Variants in FBXL4 observed in about 807,000 individuals in gnomAD.
The protein encoded by FBXL4 is F-box and leucine rich repeat protein 4.
FBXL4 carries 40 observed loss-of-function variants against 58.9 expected under a neutral mutation model. The observed-to-expected ratio is 0.68, with a 90% CI of 0.53 to 0.88. The LOEUF is 0.88. FBXL4 is among the 40% of genes least tolerant of loss of function. The pLI is 0.00. For missense variants in FBXL4, 676 were observed against 734.4 expected, an observed-to-expected ratio of 0.92 and a Z score of 0.92; for synonymous variants, 263 against 265.5, an observed-to-expected ratio of 0.99 and a Z score of 0.09.
intron 7 of FBXL4, among the ~76,000 whole-genome samples, chr6:98,883,441 C>T (rs976768741): frequency 1.3e-5 from 2 of 151,868 alleles, no homozygotes; most frequent in African/African-American, 4.8e-5. Context: ...TTAAATGTGC[C>T]ATTAATCCTT....
chr6:98,878,740 G>A (rs989098588), intron 8 of FBXL4, among the ~76,000 whole-genome samples: 1 of 151,968 alleles, frequency 6.6e-6, no homozygotes, highest in African/African-American at 2.4e-5. Context: ...AGCAGAATAA[G>A]GTACATCTAA....
Position 98,875,624 on chromosome 6 carries a change from G to T in FBXL4, c.1493C>A (p.Ala498Glu). The change falls in exon 9 of 10, where the codon GCA (alanine) becomes GAA (glutamate). Residue 498 changes from alanine (A) to glutamate (E), a missense_variant. By Grantham distance (107) the Ala-to-Glu change is moderately radical (BLOSUM62 -1). Transcript: ENST00000369244. ...TAGTGGACACCCAGAAGCCAGTTCT[G>T]CTATTCCATTCTCAGTAATATTCTT... The part of the protein sequence containing the change: ...RCKNITENGI[A>E]ELASGCPLLE... 3 of 1,614,108 alleles carry T rather than the reference G, an allele frequency of 1.9e-6. No homozygotes were observed. The highest frequency in any genetic ancestry group is 8.5e-7 in the Non-Finnish European group (1 of 1,179,998).
intron 5 of FBXL4, among the ~76,000 whole-genome samples, chr6:98,908,538 AC>A (rs1441863873): frequency 5.3e-5 from 8 of 152,156 alleles, no homozygotes; most frequent in Non-Finnish European, 7.3e-5. Context: ...ATAGTAAATT[AC>A]ATGCATTTAG....
chr6:98,944,186 C>A (rs195827), intron 1 of FBXL4, among the ~76,000 whole-genome samples: 68 of 152,094 alleles, frequency 4.5e-4, no homozygotes, highest in South Asian at 1.7e-3. Context: ...AATAATCTTC[C>A]GGTGGAAACC....
At position 98,868,649 on chromosome 6, in the gene FBXL4, T is replaced by C. The variant is rs142857199; in HGVS notation, c.*5629A>G. 6.8e-4 allele frequency: 104 copies of C among 152,328 alleles called. 1 individual carries two copies. The East Asian group carries it at 0.019, about 28-fold the overall frequency. 9.4% of individuals were successfully genotyped at this position (152,328 alleles called of 1,614,324 possible). A position where few individuals can be genotyped will look rare whatever the true frequency, so the allele number is the denominator to read the frequency against. On this transcript the variant is annotated 3_prime_UTR_variant, in exon 10 of 10. Coordinates refer to ENST00000369244, the MANE Select transcript of FBXL4 (RefSeq NM_001278716.2). Reference sequence around the variant, plus strand: ...ATAAAATTAAAATATCTCAGTCGTCTGTACAGACAACTTCATTTGTAACAG... The same window carrying C: ...ATAAAATTAAAATATCTCAGTCGTCCGTACAGACAACTTCATTTGTAACAG...
At chr6:98,921,892 C>T (rs1025775733) in intron 4 of FBXL4, among the ~76,000 whole-genome samples, 2 of 152,022 alleles carry the variant, frequency 1.3e-5, no homozygotes, top group East Asian at 1.9e-4. Context: ...TCTTCTTCCC[C>T]GTTTCCTTGT....
chr6:98,875,249 C>T (rs1770614940), intron 9 of FBXL4, 166 bp downstream of exon 9: 5 of 663,826 alleles, frequency 7.5e-6, no homozygotes, highest in Non-Finnish European at 1.1e-5. Flanking sequence ...TAATTATTCC[C>T]TATATTAACT....
chr6:98,915,409 A>G (rs1772300943), intron 5 of FBXL4, among the ~76,000 whole-genome samples: 1 of 152,184 alleles, frequency 6.6e-6, no homozygotes, highest in South Asian at 2.1e-4. Flanking sequence ...ATGCTACCTG[A>G]CTTCAAACTA....
At chr6:98,898,905 C>T in intron 7 of FBXL4, 1 of 985,352 alleles carries the variant, frequency 1.0e-6, no homozygotes, top group Non-Finnish European at 1.2e-6. Context: ...ATAAATATCA[C>T]TTTGCTTCCT....
intron 6 of FBXL4, 33 bp downstream of exon 6, chr6:98,905,393 G>A: frequency 6.2e-7 from 1 of 1,604,666 alleles, no homozygotes; most frequent in Non-Finnish European, 8.5e-7. Context: ...GCTGCTGGGG[G>A]GGAAAAAAAC....
At chr6:98,931,510 T>TA (rs1218798125) in intron 2 of FBXL4, among the ~76,000 whole-genome samples, 3 of 152,062 alleles carry the variant, frequency 2.0e-5, no homozygotes, top group Non-Finnish European at 4.4e-5. Context: ...TTTCAGGAAA[T>TA]AAAGTTAAAA....
At chr6:98,890,644 T>C (rs995568679) in intron 7 of FBXL4, among the ~76,000 whole-genome samples, 4 of 152,096 alleles carry the variant, frequency 2.6e-5, no homozygotes, top group African/African-American at 9.7e-5. Flanking sequence ...GAAAGCCAGG[T>C]GCAGTAACTC....
chr6:98,873,304 A>G lies in FBXL4; in HGVS notation c.*974T>C, dbSNP rs571455763. 6.8e-6 allele frequency: 1 copy of G among 147,620 alleles called. No individual in the cohort carries two copies. Among genetic ancestry groups the G allele is most frequent in the African/African-American group, 2.5e-5 (1 of 40,658 alleles). 9.1% of individuals were successfully genotyped at this position (147,620 alleles called of 1,614,324 possible). A position where few individuals can be genotyped will look rare whatever the true frequency, so the allele number is the denominator to read the frequency against. ...TATATAATATATAATATATACATGT[A>G]TATATTAAAAATCATAAATGTGGAT... On this transcript the variant is annotated 3_prime_UTR_variant, in exon 10 of 10. Coordinates refer to ENST00000369244, the MANE Select transcript of FBXL4 (RefSeq NM_001278716.2).
At chr6:98,905,280 C>G (rs1437902446) in intron 6 of FBXL4, 146 bp downstream of exon 6, 7 of 1,005,370 alleles carry the variant, frequency 7.0e-6, no homozygotes, top group Non-Finnish European at 1.0e-5. Context: ...CAGCAGCATT[C>G]TAAACATGAC....
At chr6:98,925,164 CAG>C (rs1281309191) in intron 4 of FBXL4, among the ~76,000 whole-genome samples, 1 of 152,088 alleles carries the variant, frequency 6.6e-6, no homozygotes, top group Non-Finnish European at 1.5e-5. Context: ...ATTTCAACCT[CAG>C]AGATAATAAA....
intron 2 of FBXL4, among the ~76,000 whole-genome samples, chr6:98,929,383 C>T (rs1772915148): frequency 6.6e-6 from 1 of 151,768 alleles, no homozygotes; most frequent in Non-Finnish European, 1.5e-5. Flanking sequence ...ACCAGCTTGA[C>T]CAACACAGAG....
chr6:98,912,359 C>T (rs963783855), intron 5 of FBXL4, among the ~76,000 whole-genome samples: 3 of 152,012 alleles, frequency 2.0e-5, no homozygotes, highest in Non-Finnish European at 2.9e-5. Flanking sequence ...AGAGCAACTC[C>T]AAGACACATA....
chr6:98,936,163 AC>A (rs1773209733), intron 1 of FBXL4, among the ~76,000 whole-genome samples: 1 of 152,218 alleles, frequency 6.6e-6, no homozygotes, highest in Non-Finnish European at 1.5e-5. Flanking sequence ...ATGGTGTAAT[AC>A]TGTTAAATTA....
chr6:98,900,632 T>C (rs1406162501), intron 6 of FBXL4, among the ~76,000 whole-genome samples: 2 of 152,176 alleles, frequency 1.3e-5, no homozygotes, highest in African/African-American at 4.8e-5. Context: ...GCTGAAATAC[T>C]ACGCAAATGC....
Sources: allele counts gnomAD v4.1 joint callset (sites outside exome capture counted in the v4.1 genomes callset), GRCh38; gene constraint gnomAD v4.1.1; transcripts MANE v1.5; gene names NCBI Gene and HGNC (gene_info 2026-07-23, HGNC 2026-07-21).